Variants in CEP350 observed in about 807,000 individuals in gnomAD.
CEP350 encodes the protein centrosome-associated protein 350.
CEP350 carries 126 observed loss-of-function variants against 331.8 expected under a neutral mutation model. The ratio of observed to expected loss-of-function variants is 0.38; its 90% CI spans 0.33 to 0.44. The LOEUF (loss-of-function observed/expected upper bound fraction) is 0.44. CEP350 is among the 20% of genes least tolerant of loss of function. CEP350 has a pLI of 1.00. For synonymous variants in CEP350, 1,200 were observed against 1,259.5 expected (o/e 0.95, Z 1.00); for missense variants, 3,406 against 3,634.6 (o/e 0.94, Z 1.62).
intron 11 of CEP350, among the ~76,000 whole-genome samples, chr1:180,019,030 G>T (rs1302277252): frequency 6.6e-6 from 1 of 151,844 alleles, no homozygotes; most frequent in Non-Finnish European, 1.5e-5. Flanking sequence ...TAATTTTTTG[G>T]TATTTGTAGT....
chr1:180,064,403 G>A (rs1325246845), intron 26 of CEP350, among the ~76,000 whole-genome samples: 3 of 151,060 alleles, frequency 2.0e-5, no homozygotes, highest in Admixed American at 6.6e-5. Context: ...AGACTTAACT[G>A]TTCAAGAGGA....
In CEP350 at chr1:180,113,146, A is replaced by G. The variant is rs1196526183; in HGVS notation, c.*1985A>G. ...AGGAAAAGCAAAGGCTTTTCTTTTC[A>G]GTTTGTGTTATTTGGAAGACAGAAA... On this transcript the variant is annotated 3_prime_UTR_variant, in exon 38 of 38. Coordinates refer to ENST00000367607, the MANE Select transcript of CEP350 (RefSeq NM_014810.5). 2 of 152,604 alleles carry G rather than the reference A, an allele frequency of 1.3e-5. No individual in the cohort carries two copies. Among genetic ancestry groups the G allele is most frequent in the Non-Finnish European group, 2.9e-5 (2 of 68,022 alleles). 9.5% of individuals were successfully genotyped at this position (152,604 alleles called of 1,614,324 possible). A position where few individuals can be genotyped will look rare whatever the true frequency, so the allele number is the denominator to read the frequency against.
At chr1:180,049,457 G>A (rs1045861578) in intron 22 of CEP350, among the ~76,000 whole-genome samples, 2 of 151,532 alleles carry the variant, frequency 1.3e-5, no homozygotes, top group African/African-American at 4.9e-5. Context: ...TACTTGACTA[G>A]CAGAAATACA....
At chr1:180,000,060 G>GT (rs1370246559) in intron 6 of CEP350, among the ~76,000 whole-genome samples, 4 of 152,116 alleles carry the variant, frequency 2.6e-5, no homozygotes, top group Non-Finnish European at 5.9e-5. Context: ...TAAGTGCACA[G>GT]TAAGTTTTTT....
intron 25 of CEP350, among the ~76,000 whole-genome samples, chr1:180,057,537 C>T (rs1294436918): frequency 1.7e-4 from 26 of 149,346 alleles, no homozygotes; most frequent in Middle Eastern, 3.5e-3. Flanking sequence ...TTTAAACTAT[C>T]GTATGGCCCC....
At chr1:179,969,504 G>A (rs933645086) in intron 1 of CEP350, 3 of 459,764 alleles carry the variant, frequency 6.5e-6, no homozygotes, top group Non-Finnish European at 1.3e-5. Context: ...GCACTGAATT[G>A]GCCTTAAGCT....
intron 8 of CEP350, among the ~76,000 whole-genome samples, chr1:180,008,333 C>T (rs1299359650): frequency 6.6e-6 from 1 of 152,100 alleles, no homozygotes; most frequent in African/African-American, 2.4e-5. Context: ...TTGGTTTTCT[C>T]ATATGTAAAA....
Position 180,084,127 on chromosome 1 carries a change from GC to G in CEP350, c.6235del (p.Gln2079LysfsTer5). 1 of 1,588,036 alleles carries G rather than the reference GC, an allele frequency of 6.3e-7. No individual in the cohort carries two copies. The highest frequency in any genetic ancestry group is 8.6e-7 in the Non-Finnish European group (1 of 1,166,678). ...NQLKKEQKKR[Q>X]KERLKAQEAS... ...AGCTGAAGAAGGAACAGAAAAAAAG[GC>G]AAAAGGAAAGACTGAAAGCCCAAGA... On this transcript the variant is annotated frameshift_variant, in exon 31 of 38. Coordinates refer to ENST00000367607, the MANE Select transcript of CEP350 (RefSeq NM_014810.5). LOFTEE classifies it high-confidence loss of function.
chr1:179,987,777 T>A (rs1652743071), intron 3 of CEP350, among the ~76,000 whole-genome samples: 1 of 151,110 alleles, frequency 6.6e-6, no homozygotes, highest in Non-Finnish European at 1.5e-5. Context: ...AAAACAAAAT[T>A]TAGCCAGGCC....
chr1:180,048,683 T>A lies in CEP350; in HGVS notation c.4770T>A (p.Val1590=). ...AADDSLRSDS[V]PSLPDEKDST... is the part of the protein sequence containing the mutation. ...ATGATTCTCTACGAAGTGATAGTGT[T>A]CCATCTCTTCCTGATGAAAAAGGTA... The change falls in exon 22 of 38, where the codon GTT becomes GTA. Residue 1590 remains valine, a synonymous_variant. Transcript: ENST00000367607. The A allele has an allele frequency of 1.9e-6, 3 of 1,610,182 alleles. No homozygotes were observed. The highest frequency in any genetic ancestry group is 2.5e-6 in the Non-Finnish European group (3 of 1,178,442).
At chr1:180,056,115 ATG>A (rs1326265312) in intron 25 of CEP350, among the ~76,000 whole-genome samples, 1 of 152,038 alleles carries the variant, frequency 6.6e-6, no homozygotes, top group African/African-American at 2.4e-5. Context: ...TGCTAATAAC[ATG>A]TTTTTTGTTT....
At chr1:179,971,591 G>T (rs544324455) in intron 1 of CEP350, among the ~76,000 whole-genome samples, 1 of 152,134 alleles carries the variant, frequency 6.6e-6, no homozygotes, top group Non-Finnish European at 1.5e-5. Context: ...CTCCCAAAGC[G>T]CTGGGATTAC....
intron 34 of CEP350, 118 bp downstream of exon 34, chr1:180,094,734 T>C: frequency 9.0e-7 from 1 of 1,113,666 alleles, no homozygotes; most frequent in East Asian, 2.6e-5. Flanking sequence ...TTTTTTCCCT[T>C]GACGTGTTGT....
chr1:179,999,980 T>A (rs990027707), intron 6 of CEP350, among the ~76,000 whole-genome samples: 5 of 152,176 alleles, frequency 3.3e-5, no homozygotes, highest in Non-Finnish European at 7.4e-5. Flanking sequence ...TAAATGCCCA[T>A]GAAGATAAAG....
intron 1 of CEP350, among the ~76,000 whole-genome samples, chr1:179,974,711 G>A (rs979243282): frequency 7.9e-5 from 12 of 152,150 alleles, no homozygotes; most frequent in African/African-American, 2.4e-4. Flanking sequence ...ATGAACAGAG[G>A]CCAACCATGG....
At chr1:179,988,481 G>A (rs1179750801) in intron 3 of CEP350, among the ~76,000 whole-genome samples, 4 of 152,050 alleles carry the variant, frequency 2.6e-5, no homozygotes, top group Non-Finnish European at 5.9e-5. Context: ...GGGACTTCCA[G>A]TACTATGTTG....
chr1:179,992,741 G>A lies in CEP350; in HGVS notation c.395+520G>A, dbSNP rs150637765. 1.6e-4 allele frequency among the ~76,000 whole-genome samples: 24 copies of A among 152,170 alleles called. No individual in the cohort carries two copies. The Middle Eastern group carries it at 0.01, about 65-fold the overall frequency. ...CAAGATTGATGTATGAATTTTGATAGCATAGATGATATAAAATGCTTTGCA... is the reference window on the plus strand; with the variant it reads ...CAAGATTGATGTATGAATTTTGATAACATAGATGATATAAAATGCTTTGCA... On this transcript the variant is annotated intron_variant, in intron 5 of 37. Transcript: ENST00000367607.
chr1:179,982,699 G>T (rs1265242546), intron 1 of CEP350, among the ~76,000 whole-genome samples: 1 of 152,042 alleles, frequency 6.6e-6, no homozygotes, highest in Non-Finnish European at 1.5e-5. Context: ...GAAATTTTTT[G>T]TCTAATCATT....
intron 13 of CEP350, among the ~76,000 whole-genome samples, chr1:180,023,882 A>C (rs1312727088): frequency 6.6e-6 from 1 of 152,192 alleles, no homozygotes; most frequent in Non-Finnish European, 1.5e-5. Context: ...TCTTATACAA[A>C]TTAGTTAAAT....
Sources: allele counts gnomAD v4.1 joint callset (sites outside exome capture counted in the v4.1 genomes callset), GRCh38; gene constraint gnomAD v4.1.1; transcripts MANE v1.5; gene names NCBI Gene and HGNC (gene_info 2026-07-23, HGNC 2026-07-21).